Variants in PPWD1 observed in about 807,000 individuals in gnomAD.
PPWD1 encodes the protein peptidylprolyl isomerase domain and WD repeat containing 1.
A neutral mutation model predicts 68.8 loss-of-function variants in PPWD1; 43 were observed. That is an observed-to-expected ratio of 0.62 (90% CI 0.49 to 0.81). PPWD1 has a LOEUF of 0.81. Ranked by LOEUF, PPWD1 falls within the 30% of genes least tolerant of loss-of-function variation. The pLI, the probability that PPWD1 is intolerant of heterozygous loss-of-function variation, is 0.00. For missense variants in PPWD1, 672 were observed against 804.8 expected (o/e 0.83, Z 2.00); for synonymous variants, 232 against 258.7 (o/e 0.90, Z 0.99).
At chr5:65,576,481 A>ATTCTC (rs1338070565) in intron 5 of PPWD1, 13 of 370,108 alleles carry the variant, frequency 3.5e-5, no homozygotes, top group Non-Finnish European at 4.5e-5. Context: ...GGTTCAAGCG[A>ATTCTC]TTCTCTTGCC....
intron 4 of PPWD1, 63 bp from the exon 5 acceptor site, chr5:65,571,776 G>T: frequency 6.4e-7 from 1 of 1,559,014 alleles, no homozygotes; most frequent in South Asian, 1.2e-5. Flanking sequence ...TAGTGGGATA[G>T]GGAGGGATGC....
In PPWD1 at chr5:65,585,049, G is replaced by A. The variant is rs770061908; in HGVS notation, c.1568G>A (p.Ser523Asn). Residue 523 changes from serine to asparagine, a missense_variant, in exon 9 of 11, where the codon AGC becomes AAC. Coordinates refer to ENST00000261308, the MANE Select transcript of PPWD1 (RefSeq NM_015342.4). ...PKTVENFCVH[S>N]RNGYYNGHTF... Reference sequence around the variant, plus strand: ...ACAGTGGAAAACTTCTGTGTTCACAGCAGAAATGGTTATTATAATGGGCAT... The same window carrying A: ...ACAGTGGAAAACTTCTGTGTTCACAACAGAAATGGTTATTATAATGGGCAT... 29 of 1,612,386 alleles carry A rather than the reference G, an allele frequency of 1.8e-5. No individual in the cohort carries two copies. The highest frequency in any genetic ancestry group is 2.7e-5 in the African/African-American group (2 of 74,852).
At position 65,569,969 on chromosome 5, in the gene PPWD1, C is replaced by G; in HGVS notation, c.492C>G (p.Asn164Lys). 6.2e-7 allele frequency: 1 copy of G among 1,611,730 alleles called. No individual in the cohort carries two copies. The highest frequency in any genetic ancestry group is 1.1e-5 in the South Asian group (1 of 90,772). Residue 164 changes from asparagine (N) to lysine (K), a missense_variant, in exon 4 of 11, where the codon AAC becomes AAG. Transcript: ENST00000261308. ...DKAMKVFDVV[N>K]FDMINMLKLG... ...CAATGAAGGTGTTTGATGTAGTGAA[C>G]TTTGACATGATCAACATGCTGAAAC...
chr5:65,577,440 A>G (rs930108055), intron 6 of PPWD1, among the ~76,000 whole-genome samples: 2 of 152,244 alleles, frequency 1.3e-5, no homozygotes, highest in African/African-American at 4.8e-5. Context: ...ACATAAAATC[A>G]AAAGTTAAAA....
intron 2 of PPWD1, chr5:65,567,891 T>C (rs181153523): frequency 8.9e-6 from 3 of 336,786 alleles, no homozygotes; most frequent in East Asian, 8.0e-5. Flanking sequence ...AGAGGGTACA[T>C]TAGTTAAGAT....
intron 4 of PPWD1, among the ~76,000 whole-genome samples, chr5:65,571,069 C>T (rs1752989191): frequency 6.6e-6 from 1 of 152,108 alleles, no homozygotes; most frequent in South Asian, 2.1e-4. Context: ...AGGTTTGTTT[C>T]CTCAAAGCTT....
At position 65,569,898 on chromosome 5, in the gene PPWD1, G is replaced by A. The variant is rs1263573569; in HGVS notation, c.421G>A (p.Val141Ile). Residue 141 changes from valine to isoleucine, a missense_variant, in exon 4 of 11, where the codon GTT becomes ATT. Val to Ile is a conservative substitution (Grantham distance 29, BLOSUM62 3). Around this residue, in one of 2 missense-constraint regions of PPWD1, gnomAD observed 484 missense variants for 646.2 expected, o/e 0.75. Transcript: ENST00000261308. ...SHLGVIESIA[V>I]SSEGALFCSV... Reference sequence around the variant, plus strand: ...AATAGGAGTTATTGAGAGTATTGCAGTTAGCTCTGAGGGAGCATTGTTCTG... The same window carrying A: ...AATAGGAGTTATTGAGAGTATTGCAATTAGCTCTGAGGGAGCATTGTTCTG... 6.2e-7 allele frequency: 1 copy of A among 1,607,144 alleles called. No homozygotes were observed. The highest frequency in any genetic ancestry group is 8.5e-7 in the Non-Finnish European group (1 of 1,174,638).
intron 8 of PPWD1, among the ~76,000 whole-genome samples, chr5:65,584,463 C>T (rs539532124): frequency 2.0e-4 from 30 of 152,124 alleles, no homozygotes; most frequent in Admixed American, 4.6e-4. Flanking sequence ...AAGAGTATGT[C>T]GCTGTAGCAT....
At chr5:65,563,651 C>A in intron 1 of PPWD1, 145 bp downstream of exon 1, 1 of 1,327,360 alleles carries the variant, frequency 7.5e-7, no homozygotes, top group Non-Finnish European at 1.0e-6. Flanking sequence ...CTACTCCATA[C>A]TTGCATGTCT....
chr5:65,584,896 T>C, intron 8 of PPWD1, 118 bp from the exon 9 acceptor site: 1 of 1,357,010 alleles, frequency 7.4e-7, no homozygotes, highest in Non-Finnish European at 9.7e-7. Context: ...AAAACAACTG[T>C]CCTTCTGAAA....
At chr5:65,575,917 C>T (rs1753258409) in intron 5 of PPWD1, among the ~76,000 whole-genome samples, 1 of 152,158 alleles carries the variant, frequency 6.6e-6, no homozygotes, top group African/African-American at 2.4e-5. Flanking sequence ...AAATTGAGTG[C>T]TTGTTATGTC....
chr5:65,576,982 T>G lies in PPWD1; in HGVS notation c.1073T>G (p.Leu358Ter). 1 of 1,614,114 alleles carries G rather than the reference T, an allele frequency of 6.2e-7. No individual in the cohort carries two copies. Among genetic ancestry groups the G allele is most frequent in the Non-Finnish European group, 8.5e-7 (1 of 1,179,988 alleles). Residue 358 changes from leucine (L) to a stop codon, truncating the protein, a stop_gained, in exon 6 of 11, where the codon TTA (leucine) becomes TGA (stop). Coordinates refer to ENST00000261308, the MANE Select transcript of PPWD1 (RefSeq NM_015342.4). LOFTEE classifies it high-confidence loss of function. ...RELEKVDAVR[L>*]INIVFDETGH... ...TTGGAGAAGGTTGATGCTGTAAGAT[T>G]AATTAATATAGTTTTTGATGAAACT...
rs27141 is a variant in PPWD1 at position 65,586,109 on chromosome 5, A to G, written c.1725A>G (p.Pro575=). ...ATTCAACATTACGACATGACAGGCC[A>G]TACACACTCAGCATGGCTAACGCGG... is the stretch of plus-strand genomic sequence containing the variant. ...EFHSTLRHDR[P]YTLSMANAGS... is the part of the protein sequence containing the mutation. Residue 575 remains proline (P), a synonymous_variant, in exon 10 of 11, where the codon CCA becomes CCG. Coordinates refer to ENST00000261308, the MANE Select transcript of PPWD1 (RefSeq NM_015342.4). 1,038,106 of 1,612,902 alleles carry G rather than the reference A, an allele frequency of 0.64. 336,345 individuals are homozygous for G. Among genetic ancestry groups the G allele is most frequent in the South Asian group, 0.67 (60,848 of 91,022 alleles).
intron 4 of PPWD1, among the ~76,000 whole-genome samples, chr5:65,570,625 A>G (rs1435151839): frequency 6.6e-6 from 1 of 151,854 alleles, no homozygotes; most frequent in Middle Eastern, 3.2e-3. Flanking sequence ...ACAGAAATCT[A>G]TTTTCTCACA....
chr5:65,576,334 G>A, intron 5 of PPWD1: 1 of 912,362 alleles, frequency 1.1e-6, no homozygotes, highest in Non-Finnish European at 1.3e-6. Context: ...ACCGGGTTTT[G>A]TTTTAAATTA....
intron 4 of PPWD1, among the ~76,000 whole-genome samples, chr5:65,570,772 T>G (rs984251037): frequency 6.6e-6 from 1 of 151,978 alleles, no homozygotes; most frequent in Non-Finnish European, 1.5e-5. Flanking sequence ...GAAAGGGAGA[T>G]CTTTTTTTCT....
At chr5:65,582,536 A>G (rs1308343002) in intron 7 of PPWD1, 3 of 153,216 alleles carry the variant, frequency 2.0e-5, no homozygotes, top group Non-Finnish European at 2.9e-5. Context: ...CAAGGACTTA[A>G]TATCTATTCG....
chr5:65,563,638 T>A (rs1371250478), intron 1 of PPWD1, 132 bp downstream of exon 1: 6 of 1,350,372 alleles, frequency 4.4e-6, no homozygotes, highest in Middle Eastern at 1.8e-4. Flanking sequence ...CTCTCACTTC[T>A]GGCTACTCCA....
chr5:65,578,253 T>G (rs1167470442), intron 6 of PPWD1, among the ~76,000 whole-genome samples: 3 of 152,238 alleles, frequency 2.0e-5, no homozygotes, highest in African/African-American at 7.2e-5. Context: ...CTGAAAGACA[T>G]CTTGGTTGCT....
Sources: gnomAD v4.1 joint callset for allele counts (sites outside exome capture counted in the v4.1 genomes callset) on GRCh38, gnomAD v4.1.1 for gene constraint, gnomAD v4.1.1 regional missense constraint, MANE v1.5 for transcripts, NCBI Gene and HGNC (gene_info 2026-07-23, HGNC 2026-07-21) for gene names.